Variants in LYPLAL1 observed in about 807,000 individuals in gnomAD.
LYPLAL1 encodes the protein lysophospholipase like 1.
A neutral mutation model predicts 19.7 loss-of-function variants in LYPLAL1; 23 were observed. The observed-to-expected ratio is 1.17, with a 90% CI of 0.84 to 1.65. The LOEUF is 1.65. LYPLAL1 is among the 40% of genes most tolerant of loss of function. LYPLAL1 has a pLI of 0.00. For missense variants in LYPLAL1, 355 were observed against 279.4 expected (o/e 1.27, Z -1.93); for synonymous variants, 119 against 96.3 (o/e 1.24, Z -1.38).
chr1:219,365,144 G>T, the LYPLAL1 span, among the ~76,000 whole-genome samples: 1 of 152,056 alleles, frequency 6.6e-6, no homozygotes, highest in Non-Finnish European at 1.5e-5. Flanking sequence ...TAGTCCAGAA[G>T]AGGGATAAAT....
At chr1:219,248,448 A>G in the LYPLAL1 span, among the ~76,000 whole-genome samples, 1 of 152,264 alleles carries the variant, frequency 6.6e-6, no homozygotes, top group Non-Finnish European at 1.5e-5. Flanking sequence ...TGAGACATAT[A>G]TTATCAGAAG....
At chr1:219,374,337 G>T in the LYPLAL1 span, among the ~76,000 whole-genome samples, 1 of 151,884 alleles carries the variant, frequency 6.6e-6, no homozygotes, top group African/African-American at 2.4e-5. Context: ...ATCAGCCGTG[G>T]GTGAGCGTTT....
At chr1:219,324,237 A>C in the LYPLAL1 span, among the ~76,000 whole-genome samples, 1 of 152,226 alleles carries the variant, frequency 6.6e-6, no homozygotes, top group African/African-American at 2.4e-5. Flanking sequence ...TTATGGGTTA[A>C]AGGCCCTGAA....
chr1:219,330,783 C>G, the LYPLAL1 span, among the ~76,000 whole-genome samples: 1 of 152,152 alleles, frequency 6.6e-6, no homozygotes, highest in Non-Finnish European at 1.5e-5. Flanking sequence ...GCTGTATGTC[C>G]TCATTCTTTG....
the LYPLAL1 span, among the ~76,000 whole-genome samples, chr1:219,346,791 G>A: frequency 6.6e-6 from 1 of 152,296 alleles, no homozygotes; most frequent in South Asian, 2.1e-4. Flanking sequence ...AGGTTAACTA[G>A]AAGCTGGAGA....
chr1:219,438,311 G>C, the LYPLAL1 span, among the ~76,000 whole-genome samples: 1 of 152,174 alleles, frequency 6.6e-6, no homozygotes, highest in Non-Finnish European at 1.5e-5. Context: ...GAATTCCCAG[G>C]CTGTCATTCA....
At chr1:219,231,016 A>G in the LYPLAL1 span, among the ~76,000 whole-genome samples, 3 of 152,384 alleles carry the variant, frequency 2.0e-5, no homozygotes, top group Admixed American at 2.0e-4. Context: ...ATGTAATTAT[A>G]TAAATCTTTG....
the LYPLAL1 span, among the ~76,000 whole-genome samples, chr1:219,311,376 G>A: frequency 1.3e-5 from 2 of 152,170 alleles, no homozygotes; most frequent in East Asian, 1.9e-4. Flanking sequence ...TACTTTTCTG[G>A]AATGACATTT....
chr1:219,397,452 T>C, the LYPLAL1 span, among the ~76,000 whole-genome samples: 2 of 152,216 alleles, frequency 1.3e-5, no homozygotes, highest in Admixed American at 6.5e-5. Flanking sequence ...GAATTCTTTC[T>C]CCTCAGTTTT....
intron 3 of LYPLAL1, among the ~76,000 whole-genome samples, chr1:219,204,074 C>G (rs1171219672): frequency 6.6e-6 from 1 of 152,056 alleles, no homozygotes; most frequent in Non-Finnish European, 1.5e-5. Context: ...AGGGGATGTT[C>G]AGTTAAAGGG....
chr1:219,415,534 A>C, the LYPLAL1 span, among the ~76,000 whole-genome samples: 12 of 152,252 alleles, frequency 7.9e-5, no homozygotes, highest in Non-Finnish European at 1.0e-4. Flanking sequence ...AAGCATTTGC[A>C]CTAGTTTCTT....
chr1:219,387,722 T>C, the LYPLAL1 span, among the ~76,000 whole-genome samples: 1 of 152,212 alleles, frequency 6.6e-6, no homozygotes, highest in African/African-American at 2.4e-5. Flanking sequence ...ATCACTGGGA[T>C]GTGATGGTGG....
chr1:219,372,366 A>T, the LYPLAL1 span, among the ~76,000 whole-genome samples: 1 of 152,184 alleles, frequency 6.6e-6, no homozygotes, highest in Admixed American at 6.5e-5. Context: ...ATCAGAGAAG[A>T]CCTTAAAAAT....
the LYPLAL1 span, among the ~76,000 whole-genome samples, chr1:219,300,852 A>T: frequency 6.6e-6 from 1 of 151,980 alleles, no homozygotes; most frequent in Non-Finnish European, 1.5e-5. Context: ...ACATTTCCTA[A>T]TGTCCTGAGA....
At chr1:219,299,772 A>G in the LYPLAL1 span, among the ~76,000 whole-genome samples, 1 of 152,202 alleles carries the variant, frequency 6.6e-6, no homozygotes, top group African/African-American at 2.4e-5. Context: ...AATGGCCTGA[A>G]GGGAAAATGT....
chr1:219,303,634 A>G, the LYPLAL1 span, among the ~76,000 whole-genome samples: 1 of 152,372 alleles, frequency 6.6e-6, no homozygotes, highest in African/African-American at 2.4e-5. Context: ...TTTTATTGCC[A>G]TATATTTATT....
At chr1:219,265,619 G>A in the LYPLAL1 span, among the ~76,000 whole-genome samples, 2 of 152,048 alleles carry the variant, frequency 1.3e-5, no homozygotes, top group African/African-American at 4.8e-5. Context: ...TTCTATTGTA[G>A]TATAGTCAAG....
At chr1:219,439,978 T>C in the LYPLAL1 span, among the ~76,000 whole-genome samples, 2 of 66,064 alleles carry the variant, frequency 3.0e-5, no homozygotes, top group African/African-American at 1.1e-4. Flanking sequence ...TATATACATA[T>C]ATATATATAT....
the LYPLAL1 span, among the ~76,000 whole-genome samples, chr1:219,370,936 C>G: frequency 6.6e-6 from 1 of 152,258 alleles, no homozygotes; most frequent in East Asian, 1.9e-4. Flanking sequence ...CTGGGTCACT[C>G]AGGCTTCTAG....
Sources: allele counts gnomAD v4.1 joint callset (sites outside exome capture counted in the v4.1 genomes callset), GRCh38; gene constraint gnomAD v4.1.1; transcripts MANE v1.5; gene names NCBI Gene and HGNC (gene_info 2026-07-23, HGNC 2026-07-21).